Variants in ZNF536 observed in about 807,000 individuals in gnomAD.
ZNF536 encodes zinc finger protein 536.
ZNF536 carries 13 observed loss-of-function variants against 84.5 expected under a neutral mutation model. That is an observed-to-expected ratio of 0.15 (90% confidence interval 0.10 to 0.24). The LOEUF (loss-of-function observed/expected upper bound fraction) is 0.24, where lower values mean the gene tolerates loss of function less well. Among genes scored for constraint, ZNF536 ranks in the 10% least tolerant of loss-of-function variants. The pLI is 1.00. For missense variants in ZNF536, 1,536 were observed against 1,747.5 expected (o/e 0.88, Z 2.16); for synonymous variants, 811 against 742.5 (o/e 1.09, Z -1.50).
chr19:30,542,172 G>C (rs1336650010), intron 3 of ZNF536, among the ~76,000 whole-genome samples: 1 of 152,156 alleles, frequency 6.6e-6, no homozygotes, highest in African/African-American at 2.4e-5. Flanking sequence ...GGTTTCCAAA[G>C]AGAATATGAA....
At position 30,228,867 on chromosome 19, in the gene ZNF536, G is replaced by A. The variant is rs1181388259; in HGVS notation, c.-190+194G>A. Among the ~76,000 whole-genome samples the A allele has an allele frequency of 1.3e-5, 2 of 150,664 alleles. No individual in the cohort carries two copies. The highest frequency in any genetic ancestry group is 4.9e-5 in the African/African-American group (2 of 41,020). Reference sequence around the variant, plus strand: ...TCGCACAACTTTTTTTTTTTCCCCCGTCTGCTGACTTTTCGGGCCAGGTGA... The same window carrying A: ...TCGCACAACTTTTTTTTTTTCCCCCATCTGCTGACTTTTCGGGCCAGGTGA... On this transcript the variant is annotated intron_variant, in intron 1 of 5. Transcript: ENST00000585628. This position sits in a 1 kb window ranked among gnomAD's most constrained non-coding sequence, Gnocchi z 4.5.
intron 1 of ZNF536, among the ~76,000 whole-genome samples, chr19:30,566,810 C>G (rs1056990688): frequency 7.3e-5 from 11 of 151,462 alleles, no homozygotes; most frequent in African/African-American, 2.4e-4. Flanking sequence ...CAGTGGAGGT[C>G]CCCACATGTG....
chr19:30,618,087 A>G (rs2048365621), intron 1 of ZNF536, among the ~76,000 whole-genome samples: 1 of 152,172 alleles, frequency 6.6e-6, no homozygotes. Context: ...CGATGAGTTA[A>G]AGTCTCACTA....
chr19:30,390,049 A>C (rs932970345), intron 1 of ZNF536, among the ~76,000 whole-genome samples: 2 of 152,172 alleles, frequency 1.3e-5, no homozygotes, highest in African/African-American at 4.8e-5. Context: ...GGGGGACCTC[A>C]GAGGTGTTCA....
At chr19:30,467,118 A>G (rs970400410) in intron 2 of ZNF536, among the ~76,000 whole-genome samples, 2 of 152,146 alleles carry the variant, frequency 1.3e-5, no homozygotes, top group Non-Finnish European at 2.9e-5. Flanking sequence ...GATTACAGGC[A>G]TGAGCCACTG....
intron 2 of ZNF536, among the ~76,000 whole-genome samples, chr19:30,345,179 C>G (rs866810375): frequency 6.6e-6 from 1 of 152,184 alleles, no homozygotes; most frequent in Non-Finnish European, 1.5e-5. Context: ...AAACTGGGGC[C>G]GGAGAGGTTG....
chr19:30,265,222 T>C (rs78296028), intron 1 of ZNF536, among the ~76,000 whole-genome samples: 5,158 of 152,186 alleles, frequency 0.034, 280 homozygotes, highest in African/African-American at 0.12. Context: ...TACCTCAGTC[T>C]AGCCCAAACA....
At chr19:30,392,159 C>T (rs2049619328) in intron 1 of ZNF536, among the ~76,000 whole-genome samples, 1 of 152,132 alleles carries the variant, frequency 6.6e-6, no homozygotes, top group African/African-American at 2.4e-5. Context: ...CCTGGGAGGA[C>T]TCTCAGCCAC....
chr19:30,320,931 G>T (rs2046834507), intron 2 of ZNF536, among the ~76,000 whole-genome samples: 2 of 152,162 alleles, frequency 1.3e-5, no homozygotes, highest in Admixed American at 1.3e-4. Context: ...CGTATTGAAT[G>T]GTTAGTGTGT....
intron 1 of ZNF536, among the ~76,000 whole-genome samples, chr19:30,398,243 C>T (rs760974163): frequency 1.2e-4 from 19 of 152,206 alleles, no homozygotes; most frequent in Middle Eastern, 3.2e-3. Context: ...TCTCCCTCAT[C>T]TACCCATTTC....
chr19:30,439,531 C>T (rs1203533060), intron 1 of ZNF536, among the ~76,000 whole-genome samples: 1 of 152,174 alleles, frequency 6.6e-6, no homozygotes, highest in Admixed American at 6.5e-5. Context: ...TCCAGGAACT[C>T]GTGCTTCCCT....
intron 2 of ZNF536, among the ~76,000 whole-genome samples, chr19:30,468,136 C>T (rs1180037400): frequency 2.0e-5 from 3 of 152,218 alleles, no homozygotes; most frequent in Non-Finnish European, 2.9e-5. Context: ...GAAAACAACC[C>T]CTGTGGTCCA....
intron 1 of ZNF536, among the ~76,000 whole-genome samples, chr19:30,623,038 T>C (rs1441490045): frequency 3.5e-5 from 5 of 143,118 alleles, no homozygotes; most frequent in Non-Finnish European, 7.6e-5. Flanking sequence ...TTTTGTTTTT[T>C]TGTTTTTTTG....
chr19:30,345,028 A>G lies in ZNF536; in HGVS notation c.-119-7340A>G, dbSNP rs112122334. On this transcript the variant is annotated intron_variant, in intron 2 of 5. Transcript: ENST00000585628. The stretch of plus-strand genomic sequence containing the variant: ...GCATCAACAACAGCAACAGCAACAC[A>G]ATAGCAGCTACTAACTCGGTACCAG... 9.0e-3 allele frequency among the ~76,000 whole-genome samples: 1,365 copies of G among 152,352 alleles called. 28 individuals are homozygous for G. The highest frequency in any genetic ancestry group is 0.032 in the African/African-American group (1,323 of 41,580).
intron 1 of ZNF536, among the ~76,000 whole-genome samples, chr19:30,441,177 C>T (rs769219467): frequency 9.9e-5 from 15 of 152,202 alleles, no homozygotes; most frequent in East Asian, 1.9e-4. Context: ...GAAAATAGCC[C>T]GTCTTCCTGG....
chr19:30,556,950 G>A, intron 4 of ZNF536: 1 of 555,258 alleles, frequency 1.8e-6, no homozygotes, highest in Non-Finnish European at 3.2e-6. Context: ...CTGATCAACA[G>A]CACCTCTACG....
chr19:30,291,978 A>G (rs2045855190), intron 2 of ZNF536, among the ~76,000 whole-genome samples: 1 of 152,226 alleles, frequency 6.6e-6, no homozygotes, highest in Admixed American at 6.5e-5. Flanking sequence ...ATTTGTTTAT[A>G]TGTTGTCTGT....
chr19:30,704,484 T>C (rs2052136137), intron 1 of ZNF536, among the ~76,000 whole-genome samples: 2 of 151,554 alleles, frequency 1.3e-5, no homozygotes, highest in African/African-American at 2.4e-5. Flanking sequence ...CCACCTCTAT[T>C]AAAAATACAA....
chr19:30,349,390 G>C (rs1475264281), intron 2 of ZNF536, among the ~76,000 whole-genome samples: 7 of 152,038 alleles, frequency 4.6e-5, no homozygotes, highest in Non-Finnish European at 1.5e-5. Flanking sequence ...TGAGTGGTCA[G>C]GTGGAAAATG....
Sources: gnomAD v4.1 joint callset for allele counts (sites outside exome capture counted in the v4.1 genomes callset) on GRCh38, gnomAD v4.1.1 for gene constraint, Gnocchi (gnomAD v3.1) non-coding constraint, MANE v1.5 for transcripts, NCBI Gene and HGNC (gene_info 2026-07-23, HGNC 2026-07-21) for gene names.